RRM2B: variants seen among roughly 807,000 people sequenced by gnomAD.
RRM2B encodes the protein ribonucleotide reductase regulatory TP53 inducible subunit M2B.
In RRM2B, 20 loss-of-function variants were observed where a neutral mutation model predicts 45.9. The observed-to-expected ratio is 0.44, with a 90% confidence interval of 0.31 to 0.63. The LOEUF (loss-of-function observed/expected upper bound fraction) is 0.63. Among genes scored for constraint, RRM2B ranks in the 30% least tolerant of loss-of-function variants. The pLI is 0.09. For synonymous variants in RRM2B, 124 were observed against 132.3 expected (o/e 0.94, Z 0.43); for missense variants, 320 against 414.7 (o/e 0.77, Z 1.98).
At chr8:102,232,110 C>G (rs1355956687) in intron 2 of RRM2B, 39 bp downstream of exon 2, 1 of 1,582,788 alleles carries the variant, frequency 6.3e-7, no homozygotes, top group South Asian at 1.1e-5. Flanking sequence ...GAACACTGCA[C>G]TATAGGATGT....
rs779434333 is a variant in RRM2B, at chr8:102,238,913, T to C, written c.-39A>G. 2.5e-6 allele frequency: 4 copies of C among 1,602,324 alleles called. No homozygotes were observed. Among genetic ancestry groups the C allele is most frequent in the Non-Finnish European group, 3.4e-6 (4 of 1,177,204 alleles). The stretch of plus-strand genomic sequence containing the variant: ...CCGAAGCTACGGGCGCTGAGGGAAC[T>C]GAGCTCCTCAGGCCACCTCCAACTA... On this transcript the variant is annotated 5_prime_UTR_variant, in exon 1 of 9. Coordinates refer to ENST00000251810, the MANE Select transcript of RRM2B (RefSeq NM_015713.5).
In RRM2B at chr8:102,206,138, CTTTAATATATATA is replaced by C. The variant is rs1810540642; in HGVS notation, c.*1982_*1994del. The C allele has an allele frequency of 6.6e-6, 1 of 151,594 alleles. No individual in the cohort carries two copies. The allele number at this position is 151,594 out of a possible 1,614,324, so 9.4% of individuals were successfully genotyped here. On this transcript the variant is annotated 3_prime_UTR_variant, in exon 9 of 9. Transcript: ENST00000251810. ...TCAAATGTCTCTCTATATTTTGATA[CTTTAATATATATA>C]TTTAAAGTATATTCAATTAATGAGG...
At position 102,212,995 on chromosome 8, in the gene RRM2B, A is replaced by C. The variant is rs29000274; in HGVS notation, c.790-106T>G. The C allele has an allele frequency of 0.059, 42,082 of 711,088 alleles. 1,410 individuals carry two copies. The highest frequency in any genetic ancestry group is 0.089 in the Middle Eastern group (360 of 4,062). The allele number at this position is 711,088 out of a possible 1,614,324, so 44.0% of individuals were successfully genotyped here. On this transcript the variant is annotated intron_variant, in intron 7 of 8. Coordinates refer to ENST00000251810, the MANE Select transcript of RRM2B (RefSeq NM_015713.5). ...TTATTTCTAAGACTGATTTTGTCCA[A>C]GGAAAGTATATTAGGATAAATTCTT...
At position 102,214,246 on chromosome 8, in the gene RRM2B, C is replaced by T. The variant is rs1428326823; in HGVS notation, c.685-88G>A. 1.8e-5 allele frequency: 16 copies of T among 895,376 alleles called. No individual in the cohort carries two copies. In the Admixed American group the frequency reaches 2.9e-4, roughly 16 times the overall value. 55.5% of individuals were successfully genotyped at this position (895,376 alleles called of 1,614,324 possible). On this transcript the variant is annotated intron_variant, in intron 6 of 8. Coordinates refer to ENST00000251810, the MANE Select transcript of RRM2B (RefSeq NM_015713.5). ...GGGTCAAGCATTGTATAAAGTGGTTCTAGGAATATAACACAGAACTTCTGG... is the reference window on the plus strand; with the variant it reads ...GGGTCAAGCATTGTATAAAGTGGTTTTAGGAATATAACACAGAACTTCTGG...
chr8:102,214,732 C>A (rs200777121), intron 6 of RRM2B, among the ~76,000 whole-genome samples: 2 of 129,770 alleles, frequency 1.5e-5, no homozygotes, highest in East Asian at 4.5e-4. Context: ...GCCTGGGCAA[C>A]ATGGCAAAAC....
At chr8:102,209,739 T>C (rs1204051763) in intron 8 of RRM2B, among the ~76,000 whole-genome samples, 4 of 152,190 alleles carry the variant, frequency 2.6e-5, no homozygotes, top group African/African-American at 9.7e-5. Flanking sequence ...TAAATGTCCA[T>C]CGAATGGATA....
At chr8:102,218,741 A>G in intron 6 of RRM2B, 73 bp downstream of exon 6, 2 of 1,326,166 alleles carry the variant, frequency 1.5e-6, no homozygotes, top group Admixed American at 2.0e-5. Context: ...AAAAAAAAAA[A>G]AGATGGAAAA....
rs1179587070 is a variant in RRM2B, at chr8:102,206,604, C to A, written c.*1529G>T. On this transcript the variant is annotated 3_prime_UTR_variant, in exon 9 of 9. Transcript: ENST00000251810. ...TTAGCATCCAGAATTGTATAAAGTA[C>A]AGTTTGTTGGGAATGGGAAACAACT... is the stretch of plus-strand genomic sequence containing the variant. 1 of 152,108 alleles carries A rather than the reference C, an allele frequency of 6.6e-6. No individual in the cohort carries two copies. The highest frequency in any genetic ancestry group is 2.4e-5 in the African/African-American group (1 of 41,422). 9.4% of individuals were successfully genotyped at this position (152,108 alleles called of 1,614,324 possible). A position where few individuals can be genotyped will look rare whatever the true frequency, so the allele number is the denominator to read the frequency against.
At chr8:102,233,836 G>A (rs538285634) in intron 1 of RRM2B, among the ~76,000 whole-genome samples, 2 of 152,114 alleles carry the variant, frequency 1.3e-5, no homozygotes, top group East Asian at 3.9e-4. Context: ...TTTTAAGACT[G>A]GGTCTTGCTC....
At chr8:102,235,749 G>T (rs1011428131) in intron 1 of RRM2B, among the ~76,000 whole-genome samples, 2 of 152,192 alleles carry the variant, frequency 1.3e-5, no homozygotes, top group Non-Finnish European at 2.9e-5. Context: ...TGAGGCAGGA[G>T]AATCACTTGA....
intron 6 of RRM2B, among the ~76,000 whole-genome samples, chr8:102,217,947 G>T (rs1486774172): frequency 6.6e-6 from 1 of 152,102 alleles, no homozygotes; most frequent in Non-Finnish European, 1.5e-5. Context: ...AATCTAAAAT[G>T]ATTCCTAAAT....
At chr8:102,213,042 G>A (rs997961060) in intron 7 of RRM2B, among the ~76,000 whole-genome samples, 153 bp from the exon 8 acceptor site, 6 of 152,110 alleles carry the variant, frequency 3.9e-5, no homozygotes, top group Non-Finnish European at 4.4e-5. Context: ...AATGATGTCC[G>A]TATATTTAAA....
intron 6 of RRM2B, among the ~76,000 whole-genome samples, chr8:102,218,270 C>A (rs1455634521): frequency 6.6e-6 from 1 of 152,082 alleles, no homozygotes; most frequent in African/African-American, 2.4e-5. Context: ...AGTGCGGGAA[C>A]CTAGGAGGAC....
At chr8:102,209,334 CTAAA>C (rs1472339351) in intron 8 of RRM2B, among the ~76,000 whole-genome samples, 6 of 152,072 alleles carry the variant, frequency 3.9e-5, no homozygotes, top group African/African-American at 1.4e-4. Flanking sequence ...GGCAGAGTGT[CTAAA>C]TAGACAAACT....
chr8:102,235,176 A>T (rs1016352744), intron 1 of RRM2B, among the ~76,000 whole-genome samples: 1 of 152,254 alleles, frequency 6.6e-6, no homozygotes, highest in Non-Finnish European at 1.5e-5. Flanking sequence ...AGAGGCAGAA[A>T]GAACAATGAA....
At chr8:102,226,168 T>A in intron 2 of RRM2B, 134 bp from the exon 3 acceptor site, 1 of 642,084 alleles carries the variant, frequency 1.6e-6, no homozygotes, top group Non-Finnish European at 2.8e-6. Context: ...ATGTTAGCAC[T>A]GCAAAGAAAT....
intron 1 of RRM2B, among the ~76,000 whole-genome samples, chr8:102,233,094 C>T (rs1811059960): frequency 6.6e-6 from 1 of 152,178 alleles, no homozygotes; most frequent in African/African-American, 2.4e-5. Flanking sequence ...AAACAAAGGA[C>T]ATACAAATAA....
chr8:102,229,576 T>C (rs1810992769), intron 2 of RRM2B, among the ~76,000 whole-genome samples: 1 of 135,690 alleles, frequency 7.4e-6, no homozygotes, highest in Non-Finnish European at 1.6e-5. Context: ...TTCATTCATA[T>C]ATATTATAAC....
intron 6 of RRM2B, among the ~76,000 whole-genome samples, chr8:102,216,593 C>T (rs1334981464): frequency 6.6e-6 from 1 of 152,020 alleles, no homozygotes; most frequent in African/African-American, 2.4e-5. Context: ...AAGCATGACC[C>T]CTTCCTTTAA....
Sources: gnomAD v4.1 joint callset for allele counts (sites outside exome capture counted in the v4.1 genomes callset) on GRCh38, gnomAD v4.1.1 for gene constraint, MANE v1.5 for transcripts, NCBI Gene and HGNC (gene_info 2026-07-23, HGNC 2026-07-21) for gene names.